TTC27: variants seen among roughly 807,000 people sequenced by gnomAD.
The protein encoded by TTC27 is tetratricopeptide repeat protein 27.
TTC27 carries 79 observed loss-of-function variants against 115.9 expected under a neutral mutation model. The observed-to-expected ratio is 0.68, with a 90% CI of 0.57 to 0.82. The LOEUF (loss-of-function observed/expected upper bound fraction) is 0.82, where lower values mean the gene tolerates loss of function less well. TTC27 is among the 40% of genes least tolerant of loss of function. The pLI, the probability that TTC27 is intolerant of heterozygous loss-of-function variation, is 0.00. For missense variants in TTC27, 1,054 were observed against 993.1 expected, an observed-to-expected ratio of 1.06 and a Z score of -0.82; for synonymous variants, 401 against 356.0, an observed-to-expected ratio of 1.13 and a Z score of -1.42.
intron 9 of TTC27, among the ~76,000 whole-genome samples, chr2:32,696,586 G>A (rs1028797413): frequency 6.6e-6 from 1 of 152,058 alleles, no homozygotes; most frequent in East Asian, 1.9e-4. Context: ...GAGCCACCAC[G>A]CCCAGCCTAT....
At chr2:32,640,757 C>T (rs930478469) in intron 4 of TTC27, among the ~76,000 whole-genome samples, 3 of 151,962 alleles carry the variant, frequency 2.0e-5, no homozygotes, top group Non-Finnish European at 2.9e-5. Flanking sequence ...CTGAGGTGGA[C>T]GGGTCACCTG....
intron 12 of TTC27, among the ~76,000 whole-genome samples, chr2:32,742,000 G>C (rs901241402): frequency 6.6e-6 from 1 of 152,170 alleles, no homozygotes; most frequent in Non-Finnish European, 1.5e-5. Context: ...GAAACTGTGA[G>C]CATATTATTA....
chr2:32,754,871 G>T (rs1669157773), intron 12 of TTC27, among the ~76,000 whole-genome samples: 1 of 150,722 alleles, frequency 6.6e-6, no homozygotes, highest in Non-Finnish European at 1.5e-5. Context: ...GCCAGGCGGG[G>T]GGGCTGACCC....
At chr2:32,769,683 G>T (rs1489611991) in intron 13 of TTC27, among the ~76,000 whole-genome samples, 1 of 152,084 alleles carries the variant, frequency 6.6e-6, no homozygotes, top group Non-Finnish European at 1.5e-5. Context: ...TGGAAATAAG[G>T]AATAGTATTA....
chr2:32,709,282 G>C (rs1381718932), intron 10 of TTC27, among the ~76,000 whole-genome samples: 1 of 152,158 alleles, frequency 6.6e-6, no homozygotes, highest in East Asian at 1.9e-4. Flanking sequence ...AGTATGGAAA[G>C]GGAAAGATGT....
At chr2:32,760,638 T>C (rs1669403524) in intron 13 of TTC27, among the ~76,000 whole-genome samples, 2 of 152,192 alleles carry the variant, frequency 1.3e-5, no homozygotes, top group African/African-American at 2.4e-5. Flanking sequence ...TCACTCAATA[T>C]TGTTTTTAAA....
intron 12 of TTC27, among the ~76,000 whole-genome samples, chr2:32,754,329 AG>A (rs1669127710): frequency 1.3e-5 from 2 of 149,864 alleles, no homozygotes; most frequent in Non-Finnish European, 1.5e-5. Context: ...ACTTGAGATT[AG>A]GGAGTGGCGA....
intron 12 of TTC27, among the ~76,000 whole-genome samples, chr2:32,753,484 C>G: frequency 7.6e-6 from 1 of 131,508 alleles, no homozygotes; most frequent in African/African-American, 2.9e-5. Flanking sequence ...GTCACCCAGG[C>G]TGGAGTGCAG....
chr2:32,682,072 G>T (rs886220702), intron 9 of TTC27, among the ~76,000 whole-genome samples: 1 of 149,586 alleles, frequency 6.7e-6, no homozygotes, highest in Non-Finnish European at 1.5e-5. Context: ...TAGAGACTGG[G>T]CTCTGTTCTT....
rs1288021905 is a variant in TTC27, at chr2:32,664,337, A to G, written c.675A>G (p.Ser225=). Residue 225 remains serine (S), a synonymous_variant, in exon 6 of 20, where the codon TCA becomes TCG. Transcript: ENST00000317907. ...TACAGAATCTGTTTGTAGATGATTCAGGTCGATATTTGGCTATTCAATTCC... is the reference window on the plus strand; with the variant it reads ...TACAGAATCTGTTTGTAGATGATTCGGGTCGATATTTGGCTATTCAATTCC... ...MKLQNLFVDD[S]GRYLAIQFHL... 6.2e-7 allele frequency: 1 copy of G among 1,608,770 alleles called. No homozygotes were observed. The highest frequency in any genetic ancestry group is 1.7e-5 in the Admixed American group (1 of 59,152).
At chr2:32,703,280 A>G (rs1025450104) in intron 10 of TTC27, among the ~76,000 whole-genome samples, 2 of 152,206 alleles carry the variant, frequency 1.3e-5, no homozygotes, top group African/African-American at 4.8e-5. Flanking sequence ...CAGCCTGGCC[A>G]ACATGGTGAA....
chr2:32,673,179 G>A (rs1310048136), intron 8 of TTC27, among the ~76,000 whole-genome samples: 1 of 146,010 alleles, frequency 6.8e-6, no homozygotes, highest in African/African-American at 2.5e-5. Context: ...CCTTCAATTT[G>A]AGTTTGTCTG....
At chr2:32,800,461 G>A (rs1198850269) in intron 16 of TTC27, among the ~76,000 whole-genome samples, 1 of 151,730 alleles carries the variant, frequency 6.6e-6, no homozygotes, top group South Asian at 2.1e-4. Context: ...GATTACAGGC[G>A]TGAGCCACTG....
chr2:32,664,172 GTCT>G, intron 5 of TTC27, 128 bp from the exon 6 acceptor site: 1 of 744,954 alleles, frequency 1.3e-6, no homozygotes, highest in Non-Finnish European at 2.0e-6. Context: ...TATTCCTCAG[GTCT>G]TATGTTTAAA....
chr2:32,677,636 A>C (rs1488264307), intron 8 of TTC27, among the ~76,000 whole-genome samples: 3 of 151,756 alleles, frequency 2.0e-5, no homozygotes, highest in Admixed American at 2.0e-4. Context: ...TTTTTAGTAG[A>C]GATGTGGTTT....
At chr2:32,668,391 GAA>G (rs1665871119) in intron 7 of TTC27, among the ~76,000 whole-genome samples, 1 of 147,738 alleles carries the variant, frequency 6.8e-6, no homozygotes, top group African/African-American at 2.5e-5. Flanking sequence ...AAAAAAAAAA[GAA>G]AAGAAAATTA....
intron 12 of TTC27, among the ~76,000 whole-genome samples, chr2:32,753,968 G>A (rs1013343532): frequency 1.3e-4 from 19 of 151,984 alleles, no homozygotes; most frequent in African/African-American, 3.6e-4. Flanking sequence ...CCAGCTACTC[G>A]GGAGGCTGAG....
At chr2:32,741,546 G>A (rs943338587) in intron 12 of TTC27, among the ~76,000 whole-genome samples, 5 of 152,060 alleles carry the variant, frequency 3.3e-5, no homozygotes, top group Non-Finnish European at 7.4e-5. Context: ...CAGCTACTTG[G>A]GAGGCTGAGG....
At chr2:32,723,589 C>A (rs567490419) in intron 10 of TTC27, among the ~76,000 whole-genome samples, 1 of 152,004 alleles carries the variant, frequency 6.6e-6, no homozygotes, top group African/African-American at 2.4e-5. Flanking sequence ...TGAGGGCCAA[C>A]TCTCTGGGGC....
Sources: allele counts gnomAD v4.1 joint callset (sites outside exome capture counted in the v4.1 genomes callset), GRCh38; gene constraint gnomAD v4.1.1; transcripts MANE v1.5; gene names NCBI Gene and HGNC (gene_info 2026-07-23, HGNC 2026-07-21).